The following KCND2 variants were observed in gnomAD, a reference collection of about 807,000 sequenced individuals.
KCND2 encodes the protein A-type voltage-gated potassium channel KCND2.
KCND2 carries 16 observed loss-of-function variants against 54.4 expected under a neutral mutation model. That is an observed-to-expected ratio of 0.29 (90% confidence interval 0.20 to 0.45). The LOEUF (loss-of-function observed/expected upper bound fraction) is 0.45. Ranked by LOEUF, KCND2 falls within the 20% of genes least tolerant of loss-of-function variation. The pLI is 1.00. For synonymous variants in KCND2, 317 were observed against 310.7 expected (o/e 1.02, Z -0.21); for missense variants, 486 against 824.2 (o/e 0.59, Z 5.02).
chr7:120,625,108 C>T (rs1288032201), intron 1 of KCND2, among the ~76,000 whole-genome samples: 6 of 152,264 alleles, frequency 3.9e-5, no homozygotes, highest in Non-Finnish European at 7.4e-5. Context: ...GTATTAACAT[C>T]TGACTATAGT....
rs140047736 is a variant in KCND2, at chr7:120,677,024, A to G, written c.1116-55879A>G. 1.5e-3 allele frequency among the ~76,000 whole-genome samples: 225 copies of G among 152,312 alleles called. 4 individuals are homozygous for G. In the Middle Eastern group the frequency reaches 0.061, roughly 41 times the overall value. ...TAAACATTCATTAAATCCAATGGGTAATACCCACGAAAAATCAAGCAAGTG... is the reference window on the plus strand; with the variant it reads ...TAAACATTCATTAAATCCAATGGGTGATACCCACGAAAAATCAAGCAAGTG... On this transcript the variant is annotated intron_variant, in intron 1 of 5. Transcript: ENST00000331113.
At chr7:120,423,628 C>A (rs1801659147) in intron 1 of KCND2, among the ~76,000 whole-genome samples, 3 of 152,198 alleles carry the variant, frequency 2.0e-5, no homozygotes, top group African/African-American at 7.2e-5. Flanking sequence ...TAAAATGGGA[C>A]ACAGTTGAAA....
intron 1 of KCND2, among the ~76,000 whole-genome samples, chr7:120,336,026 C>G (rs767504234): frequency 3.9e-5 from 6 of 152,074 alleles, no homozygotes; most frequent in Non-Finnish European, 8.8e-5. Flanking sequence ...TGCAAAAACT[C>G]AAAACCATAA....
chr7:120,435,480 A>AT (rs113452447), intron 1 of KCND2, among the ~76,000 whole-genome samples: 40 of 150,694 alleles, frequency 2.7e-4, no homozygotes, highest in African/African-American at 5.4e-4. Flanking sequence ...TTAGAAAGCC[A>AT]TTTTTTTTTA....
chr7:120,314,794 G>C (rs1799789072), intron 1 of KCND2, among the ~76,000 whole-genome samples: 1 of 152,122 alleles, frequency 6.6e-6, no homozygotes, highest in Admixed American at 6.6e-5. Context: ...TCTCTACATA[G>C]ATGTGGATGA....
intron 1 of KCND2, among the ~76,000 whole-genome samples, chr7:120,289,077 CAGAG>C (rs112703117): frequency 0.1 from 2,092 of 20,804 alleles, 42 homozygotes; most frequent in African/African-American, 0.12. Context: ...CACACACACA[CAGAG>C]AGAGAGAGAG....
chr7:120,645,724 G>A (rs1418220353), intron 1 of KCND2, among the ~76,000 whole-genome samples: 1 of 152,104 alleles, frequency 6.6e-6, no homozygotes, highest in Non-Finnish European at 1.5e-5. Context: ...CACGTGACAA[G>A]TGGCATACTA....
chr7:120,349,908 T>A (rs1022569719), intron 1 of KCND2, among the ~76,000 whole-genome samples: 37 of 152,294 alleles, frequency 2.4e-4, no homozygotes, highest in African/African-American at 7.7e-4. Context: ...TTATTCTCTT[T>A]AGTATCTTTT....
chr7:120,564,586 G>T (rs923660186), intron 1 of KCND2, among the ~76,000 whole-genome samples: 1 of 152,046 alleles, frequency 6.6e-6, no homozygotes, highest in Non-Finnish European at 1.5e-5. Context: ...ACATAGAATT[G>T]CTTGTGGGTT....
intron 1 of KCND2, among the ~76,000 whole-genome samples, chr7:120,688,364 A>G (rs1792229719): frequency 6.6e-6 from 1 of 152,296 alleles, no homozygotes; most frequent in South Asian, 2.1e-4. Flanking sequence ...TTTCAATAAA[A>G]TTTCATTTAT....
chr7:120,583,761 T>A (rs1792550442), intron 1 of KCND2, among the ~76,000 whole-genome samples: 1 of 139,348 alleles, frequency 7.2e-6, no homozygotes, highest in African/African-American at 2.8e-5. Context: ...GATACAGGGG[T>A]TAGGAATTCA....
At chr7:120,303,531 A>G (rs1799613089) in intron 1 of KCND2, among the ~76,000 whole-genome samples, 3 of 152,216 alleles carry the variant, frequency 2.0e-5, no homozygotes, top group Admixed American at 2.0e-4. Context: ...ATATTTAGAA[A>G]ATAAGTTAGT....
In KCND2 at chr7:120,507,343, T is replaced by C. The variant is rs193053817; in HGVS notation, c.1116-225560T>C. ...TGTGTTAACCTATGTGGCAGAGACT[T>C]CTAGTTACCCTCACTACCTGTTCTC... On this transcript the variant is annotated intron_variant, in intron 1 of 5. Coordinates refer to ENST00000331113, the MANE Select transcript of KCND2 (RefSeq NM_012281.3). 3.3e-5 allele frequency among the ~76,000 whole-genome samples: 5 copies of C among 151,958 alleles called. No homozygotes were observed. In the East Asian group the frequency reaches 9.7e-4, roughly 29 times the overall value.
intron 1 of KCND2, among the ~76,000 whole-genome samples, chr7:120,383,890 T>C (rs1475432295): frequency 6.6e-6 from 1 of 152,098 alleles, no homozygotes; most frequent in Non-Finnish European, 1.5e-5. Context: ...AAGACTGGAT[T>C]AGTGAGACAA....
At chr7:120,409,594 G>A (rs770481692) in intron 1 of KCND2, among the ~76,000 whole-genome samples, 8 of 152,000 alleles carry the variant, frequency 5.3e-5, no homozygotes, top group Middle Eastern at 6.8e-3. Flanking sequence ...TCTAAAGGAC[G>A]TGTAGTGATC....
At chr7:120,563,044 G>A (rs1792254649) in intron 1 of KCND2, among the ~76,000 whole-genome samples, 1 of 152,038 alleles carries the variant, frequency 6.6e-6, no homozygotes, top group Non-Finnish European at 1.5e-5. Flanking sequence ...ATGCAATATG[G>A]AATTTGTATA....
chr7:120,509,387 G>A (rs781709331), intron 1 of KCND2, among the ~76,000 whole-genome samples: 5 of 151,930 alleles, frequency 3.3e-5, no homozygotes, highest in East Asian at 1.9e-4. Flanking sequence ...ATGTATATAC[G>A]CTCTGGAATC....
intron 2 of KCND2, among the ~76,000 whole-genome samples, chr7:120,739,103 T>C (rs1212804993): frequency 6.6e-6 from 1 of 152,218 alleles, no homozygotes; most frequent in East Asian, 1.9e-4. Flanking sequence ...ATGTAGGCTT[T>C]CCATTATATG....
At chr7:120,553,401 A>G (rs1251577473) in intron 1 of KCND2, among the ~76,000 whole-genome samples, 6 of 152,224 alleles carry the variant, frequency 3.9e-5, no homozygotes, top group Non-Finnish European at 7.3e-5. Context: ...GAGACAAATA[A>G]TCACATTTTT....
Sources: gnomAD v4.1 joint callset for allele counts (sites outside exome capture counted in the v4.1 genomes callset) on GRCh38, gnomAD v4.1.1 for gene constraint, MANE v1.5 for transcripts, NCBI Gene and HGNC (gene_info 2026-07-23, HGNC 2026-07-21) for gene names.